The following DHX37 variants were observed in gnomAD, a reference collection of about 807,000 sequenced individuals.
The protein encoded by DHX37 is DEAH-box helicase 37.
A neutral mutation model predicts 134.3 loss-of-function variants in DHX37; 52 were observed. That is an observed-to-expected ratio of 0.39 (90% CI 0.31 to 0.49). The LOEUF is 0.49. Ranked by LOEUF, DHX37 falls within the 20% of genes least tolerant of loss-of-function variation. The pLI is 0.93. For missense variants in DHX37, 1,344 were observed against 1,580.8 expected (o/e 0.85, Z 2.54); for synonymous variants, 634 against 670.7 (o/e 0.95, Z 0.85).
intron 1 of DHX37, among the ~76,000 whole-genome samples, chr12:124,986,483 G>A (rs1323277489): frequency 1.3e-5 from 2 of 151,920 alleles, no homozygotes; most frequent in East Asian, 2.0e-4. Context: ...GGCTGAGGCA[G>A]GTGGCTCACT....
At chr12:124,952,652 A>G in intron 20 of DHX37, 82 bp from the exon 21 acceptor site, 2 of 1,423,802 alleles carry the variant, frequency 1.4e-6, no homozygotes, top group Non-Finnish European at 1.9e-6. Context: ...AGTCCCAACC[A>G]TGCTCAGTGC....
intron 15 of DHX37, 99 bp downstream of exon 15, chr12:124,964,295 T>G: frequency 6.5e-7 from 1 of 1,549,282 alleles, no homozygotes; most frequent in Non-Finnish European, 8.7e-7. Context: ...ACACGGAACA[T>G]ACTACAGATG....
intron 16 of DHX37, among the ~76,000 whole-genome samples, chr12:124,959,505 G>A (rs1265764818): frequency 6.6e-6 from 1 of 152,076 alleles, no homozygotes; most frequent in Non-Finnish European, 1.5e-5. Context: ...TTACAGGTGT[G>A]AGCCACCAGG....
intron 6 of DHX37, 132 bp from the exon 7 acceptor site, chr12:124,972,731 C>A (rs1954546565): frequency 1.3e-6 from 1 of 772,198 alleles, no homozygotes; most frequent in Admixed American, 2.1e-5. Context: ...TGAAACAAGT[C>A]CCAGACATCT....
intron 7 of DHX37, 143 bp from the exon 8 acceptor site, chr12:124,971,558 C>T (rs1954523660): frequency 8.9e-6 from 12 of 1,353,284 alleles, no homozygotes; most frequent in Admixed American, 2.2e-5. Flanking sequence ...AACTCAGATG[C>T]CCGCAGAGTG....
rs139850570 is a variant in DHX37, at chr12:124,964,495, G to A, written c.1944C>T (p.Arg648=). Residue 648 remains arginine (R), a synonymous_variant, in exon 15 of 27, where the codon CGC becomes CGT. Coordinates refer to ENST00000308736, the MANE Select transcript of DHX37 (RefSeq NM_032656.4). ...CACGGAAGGAGGATACGCCAGTGAC[G>A]CGGTCGTAGTAGCGTTTCTTGACCT... ...CGKVKKRYYD[R]VTGVSSFRVT... The A allele has an allele frequency of 1.1e-4, 174 of 1,614,198 alleles. No individual in the cohort carries two copies. The highest frequency in any genetic ancestry group is 1.6e-4 in the Middle Eastern group (1 of 6,062).
At chr12:124,982,857 G>T (rs560357939) in intron 2 of DHX37, among the ~76,000 whole-genome samples, 1 of 152,198 alleles carries the variant, frequency 6.6e-6, no homozygotes, top group East Asian at 1.9e-4. Context: ...CTGCAGCAGG[G>T]TATCACAGTA....
At position 124,960,033 on chromosome 12, in the gene DHX37, G is replaced by A. The variant is rs903232833; in HGVS notation, c.2157+279C>T. Among the ~76,000 whole-genome samples, 9 of 152,340 alleles carry A rather than the reference G, an allele frequency of 5.9e-5. No individual in the cohort carries two copies. In the East Asian group the frequency reaches 9.6e-4, roughly 16 times the overall value. On this transcript the variant is annotated intron_variant, in intron 16 of 26. Coordinates refer to ENST00000308736, the MANE Select transcript of DHX37 (RefSeq NM_032656.4). Reference sequence around the variant, plus strand: ...TGCAGCCAGGAAGAGCCGGCAGCACGTTCTGCACGCCCCACGGACGGATAG... The same window carrying A: ...TGCAGCCAGGAAGAGCCGGCAGCACATTCTGCACGCCCCACGGACGGATAG...
intron 21 of DHX37, among the ~76,000 whole-genome samples, chr12:124,951,470 G>A (rs1174858389): frequency 6.6e-6 from 1 of 152,196 alleles, no homozygotes; most frequent in East Asian, 1.9e-4. Flanking sequence ...ACGGGGAACT[G>A]GGGACTCACA....
At chr12:124,970,899 C>T (rs1954507644) in intron 8 of DHX37, among the ~76,000 whole-genome samples, 1 of 152,222 alleles carries the variant, frequency 6.6e-6, no homozygotes, top group South Asian at 2.1e-4. Flanking sequence ...GAGAAAGAGG[C>T]CCTGGGGAGC....
chr12:124,983,436 C>T (rs1237725551), intron 2 of DHX37, among the ~76,000 whole-genome samples: 1 of 151,774 alleles, frequency 6.6e-6, no homozygotes. Context: ...CACACACACA[C>T]ACACACACAG....
chr12:124,987,974 CCT>C (rs913275228), intron 1 of DHX37, among the ~76,000 whole-genome samples: 57 of 149,380 alleles, frequency 3.8e-4, no homozygotes, highest in Non-Finnish European at 7.7e-4. Context: ...CAACTCCCAG[CCT>C]GTCTGTGGAA....
At chr12:124,979,931 T>A (rs1413487862) in intron 4 of DHX37, among the ~76,000 whole-genome samples, 2 of 152,214 alleles carry the variant, frequency 1.3e-5, no homozygotes, top group Non-Finnish European at 2.9e-5. Context: ...CCCAATTCCA[T>A]TCAACGGCCA....
chr12:124,978,181 GA>G (rs1377307840), intron 4 of DHX37, among the ~76,000 whole-genome samples: 1 of 151,194 alleles, frequency 6.6e-6, no homozygotes, highest in East Asian at 2.0e-4. Flanking sequence ...GGCTGGTCTT[GA>G]ACTCCTGACC....
At position 124,967,164 on chromosome 12, in the gene DHX37, C is replaced by T; in HGVS notation, c.1463G>A (p.Arg488Lys). ...GGAGGGTGGGAAAGCCTTCCTGAGC[C>T]TGCGGCACAGCGCATGCACCTCAGC... ...GQAEVHALCR[R>K]LRKAFPPSRA... Residue 488 changes from arginine (R) to lysine (K), a missense_variant, in exon 11 of 27, where the codon AGG (arginine) becomes AAG (lysine). This residue lies in a region of DHX37 where 289 missense variants were observed against 323.8 expected (regional missense o/e 0.89). Transcript: ENST00000308736. 1 of 1,613,884 alleles carries T rather than the reference C, an allele frequency of 6.2e-7. No homozygotes were observed. Among genetic ancestry groups the T allele is most frequent in the Non-Finnish European group, 8.5e-7 (1 of 1,180,038 alleles).
intron 21 of DHX37, among the ~76,000 whole-genome samples, chr12:124,951,611 C>T (rs900138036): frequency 4.6e-5 from 7 of 152,136 alleles, no homozygotes; most frequent in Non-Finnish European, 1.0e-4. Flanking sequence ...TAAATGCAGG[C>T]CAGATGCAGT....
intron 4 of DHX37, among the ~76,000 whole-genome samples, chr12:124,979,857 T>C (rs1055990118): frequency 2.0e-5 from 3 of 152,230 alleles, no homozygotes; most frequent in Non-Finnish European, 4.4e-5. Flanking sequence ...GGTCATTTGC[T>C]AGAGCGGTCA....
intron 7 of DHX37, 100 bp downstream of exon 7, chr12:124,972,403 C>A: frequency 4.9e-6 from 6 of 1,236,136 alleles, no homozygotes; most frequent in Non-Finnish European, 5.9e-6. Context: ...AGTGCTGGAT[C>A]AACAGGTGGC....
rs752063031 is a variant in DHX37, at chr12:124,971,417, T to TG, written c.1078-3dup. On this transcript the variant is annotated splice_polypyrimidine_tract_variant and splice_region_variant and intron_variant, in intron 7 of 26. Coordinates refer to ENST00000308736, the MANE Select transcript of DHX37 (RefSeq NM_032656.4). ...CTTGTACCGCAGCAGCAGGAAGTCCTGGGGGGAGGTCCGGGGTGAGGCCCA... is the reference window on the plus strand; with the variant it reads ...CTTGTACCGCAGCAGCAGGAAGTCCTGGGGGGGAGGTCCGGGGTGAGGCCCA... The TG allele has an allele frequency of 1.9e-6, 3 of 1,612,806 alleles. No homozygotes were observed. Among genetic ancestry groups the TG allele is most frequent in the South Asian group, 2.2e-5 (2 of 90,968 alleles).
Sources: gnomAD v4.1 joint callset for allele counts (sites outside exome capture counted in the v4.1 genomes callset) on GRCh38, gnomAD v4.1.1 for gene constraint, gnomAD v4.1.1 regional missense constraint, MANE v1.5 for transcripts, NCBI Gene and HGNC (gene_info 2026-07-23, HGNC 2026-07-21) for gene names.